EIF2AK4: variants seen among roughly 807,000 people sequenced by gnomAD.
EIF2AK4 encodes eIF-2-alpha kinase GCN2.
In EIF2AK4, 139 loss-of-function variants were observed where a neutral mutation model predicts 211.1. The ratio of observed to expected loss-of-function variants is 0.66; its 90% CI spans 0.57 to 0.76. The LOEUF (loss-of-function observed/expected upper bound fraction) is 0.76. Ranked by LOEUF, EIF2AK4 falls within the 30% of genes least tolerant of loss-of-function variation. The probability of loss-of-function intolerance (pLI) is 0.00; values close to 1 mark genes in which losing one functional copy is unlikely to be tolerated. For missense variants in EIF2AK4, 1,664 were observed against 2,043.8 expected, an observed-to-expected ratio of 0.81 and a Z score of 3.58; for synonymous variants, 710 against 751.3, an observed-to-expected ratio of 0.94 and a Z score of 0.90.
rs56099311 is a variant in EIF2AK4, at chr15:40,006,944, T to G, written c.3358-72T>G. 2.5e-4 allele frequency: 299 copies of G among 1,175,472 alleles called. 1 individual carries two copies. Among genetic ancestry groups the G allele is most frequent in the Non-Finnish European group, 3.4e-4 (270 of 799,782 alleles). The allele number at this position is 1,175,472 out of a possible 1,614,324, so 72.8% of individuals were successfully genotyped here. On this transcript the variant is annotated intron_variant, in intron 23 of 38. Transcript: ENST00000263791. ...GGTGAACTTTATGGGACAGGAGTTA[T>G]GTTTCAATAAAGCCGCTATTAACAA... is the stretch of plus-strand genomic sequence containing the variant.
chr15:40,024,705 T>C (rs1209518093), intron 32 of EIF2AK4, among the ~76,000 whole-genome samples: 2 of 150,810 alleles, frequency 1.3e-5, no homozygotes, highest in African/African-American at 2.5e-5. Context: ...GCCTCCTTTT[T>C]TTTTTTTTAC....
chr15:39,993,712 T>C (rs1215752344), intron 18 of EIF2AK4, among the ~76,000 whole-genome samples: 1 of 152,232 alleles, frequency 6.6e-6, no homozygotes, highest in Non-Finnish European at 1.5e-5. Context: ...CAGAGCCAGG[T>C]TGGCCTGGAT....
chr15:39,984,396 A>G (rs979120015), intron 13 of EIF2AK4, among the ~76,000 whole-genome samples: 3 of 152,164 alleles, frequency 2.0e-5, no homozygotes, highest in African/African-American at 4.8e-5. Flanking sequence ...AAGAAAGTCA[A>G]TGGTAGTTTG....
At chr15:39,969,933 A>G (rs2034600605) in intron 9 of EIF2AK4, among the ~76,000 whole-genome samples, 1 of 152,216 alleles carries the variant, frequency 6.6e-6, no homozygotes, top group African/African-American at 2.4e-5. Context: ...TCTGGAGTCA[A>G]AACATCTGGG....
intron 13 of EIF2AK4, among the ~76,000 whole-genome samples, chr15:39,981,136 C>A (rs1406640401): frequency 6.6e-6 from 1 of 152,130 alleles, no homozygotes; most frequent in Non-Finnish European, 1.5e-5. Context: ...CTTTGGGATG[C>A]CAAGGCAGGT....
intron 4 of EIF2AK4, chr15:39,951,533 A>C: frequency 2.8e-6 from 1 of 358,922 alleles, no homozygotes; most frequent in South Asian, 2.2e-5. Context: ...CTCTGGAAGC[A>C]CAGATCTGTT....
At chr15:39,939,045 A>C (rs2034107095) in intron 1 of EIF2AK4, among the ~76,000 whole-genome samples, 1 of 152,196 alleles carries the variant, frequency 6.6e-6, no homozygotes, top group South Asian at 2.1e-4. Context: ...CTGCTCGCAG[A>C]GTCCTTCACT....
At chr15:40,015,417 C>T (rs550880904) in intron 27 of EIF2AK4, among the ~76,000 whole-genome samples, 3 of 152,316 alleles carry the variant, frequency 2.0e-5, no homozygotes, top group East Asian at 1.9e-4. Flanking sequence ...TGGTTGGCAG[C>T]AGGCAAAGAG....
At chr15:39,946,547 A>G (rs945679388) in intron 3 of EIF2AK4, 4 of 702,190 alleles carry the variant, frequency 5.7e-6, no homozygotes, top group African/African-American at 5.2e-5. Flanking sequence ...TGAAATGACA[A>G]TCGAGCATTT....
intron 7 of EIF2AK4, among the ~76,000 whole-genome samples, chr15:39,963,040 A>C (rs1485049234): frequency 2.6e-5 from 4 of 152,236 alleles, no homozygotes; most frequent in Non-Finnish European, 4.4e-5. Flanking sequence ...ACAAATAAGC[A>C]AAAGAGTTGC....
chr15:40,012,140 A>G (rs1356092587), intron 27 of EIF2AK4, among the ~76,000 whole-genome samples: 1 of 152,216 alleles, frequency 6.6e-6, no homozygotes, highest in Non-Finnish European at 1.5e-5. Context: ...GGGCAGGAAG[A>G]GTCACTCAAT....
chr15:39,962,517 G>A (rs2034487226), intron 7 of EIF2AK4, among the ~76,000 whole-genome samples: 1 of 152,090 alleles, frequency 6.6e-6, no homozygotes, highest in Non-Finnish European at 1.5e-5. Flanking sequence ...GTGGTACAGT[G>A]GCACAATCAT....
chr15:39,994,864 G>A (rs1595416406), intron 18 of EIF2AK4, among the ~76,000 whole-genome samples: 1 of 152,062 alleles, frequency 6.6e-6, no homozygotes, highest in East Asian at 1.9e-4. Flanking sequence ...ATTTTGAGAT[G>A]GAGTCTTGCT....
intron 27 of EIF2AK4, among the ~76,000 whole-genome samples, chr15:40,015,396 C>T (rs1012452616): frequency 6.6e-6 from 1 of 152,186 alleles, no homozygotes; most frequent in African/African-American, 2.4e-5. Flanking sequence ...AGGAACAAGT[C>T]ATGTCTTACA....
chr15:39,993,039 TCCA>T (rs1424346006), intron 18 of EIF2AK4, among the ~76,000 whole-genome samples, 191 bp downstream of exon 18: 167 of 137,206 alleles, frequency 1.2e-3, no homozygotes, highest in African/African-American at 4.0e-3. Context: ...AGTCCATCCA[TCCA>T]TCCATCCATC....
At chr15:39,942,989 G>A (rs1316560330) in intron 2 of EIF2AK4, among the ~76,000 whole-genome samples, 1 of 152,050 alleles carries the variant, frequency 6.6e-6, no homozygotes, top group Non-Finnish European at 1.5e-5. Flanking sequence ...GGAGCACATG[G>A]TTAAGTTACT....
intron 37 of EIF2AK4, among the ~76,000 whole-genome samples, chr15:40,033,095 T>C (rs2035565441): frequency 6.6e-6 from 1 of 152,200 alleles, no homozygotes; most frequent in Admixed American, 6.6e-5. Context: ...GCAGGCCTTG[T>C]TGTAAGCATT....
intron 29 of EIF2AK4, among the ~76,000 whole-genome samples, chr15:40,017,825 G>A (rs2035331105): frequency 6.6e-6 from 1 of 151,824 alleles, no homozygotes; most frequent in African/African-American, 2.4e-5. Context: ...GGGATTATAG[G>A]TGTGAGCCAC....
At position 39,976,500 on chromosome 15, in the gene EIF2AK4, C is replaced by T; in HGVS notation, c.1905C>T (p.Gly635=). The stretch of plus-strand genomic sequence containing the variant: ...GCCGGCAGTTCCGCAGGATCAAGGG[C>T]GAAGTGACACTGCTGTCACGGCTGC... ...PASRQFRRIK[G]EVTLLSRLHH... Residue 635 remains glycine, a synonymous_variant, in exon 12 of 39, where the codon GGC becomes GGT. Transcript: ENST00000263791. The T allele has an allele frequency of 2.5e-6, 4 of 1,612,404 alleles. No individual in the cohort carries two copies. The highest frequency in any genetic ancestry group is 2.2e-5 in the East Asian group (1 of 44,776).
Sources: allele counts gnomAD v4.1 joint callset (sites outside exome capture counted in the v4.1 genomes callset), GRCh38; gene constraint gnomAD v4.1.1; transcripts MANE v1.5; gene names NCBI Gene and HGNC (gene_info 2026-07-23, HGNC 2026-07-21).